PCDH9: variants seen among roughly 807,000 people sequenced by gnomAD.
PCDH9 encodes the protein protocadherin 9, also known as protocadherin-9.
Under a neutral mutation model 70.6 loss-of-function variants are expected in PCDH9, and 24 were observed. That is an observed-to-expected ratio of 0.34 (90% confidence interval 0.25 to 0.48). The LOEUF (loss-of-function observed/expected upper bound fraction) is 0.48. Among genes scored for constraint, PCDH9 ranks in the 20% least tolerant of loss-of-function variants. The probability of loss-of-function intolerance (pLI) is 0.99; values close to 1 mark genes in which losing one functional copy is unlikely to be tolerated. For missense variants in PCDH9, 1,281 were observed against 1,503.6 expected, an observed-to-expected ratio of 0.85 and a Z score of 2.45; for synonymous variants, 562 against 558.5, an observed-to-expected ratio of 1.01 and a Z score of -0.09.
At chr13:67,098,502 G>A (rs982028911) in intron 2 of PCDH9, among the ~76,000 whole-genome samples, 4 of 152,118 alleles carry the variant, frequency 2.6e-5, no homozygotes, top group Admixed American at 6.5e-5. Context: ...GTACAATAAT[G>A]TAGTTTATTG....
At chr13:66,597,218 C>A (rs1308794811) in intron 4 of PCDH9, among the ~76,000 whole-genome samples, 3 of 151,690 alleles carry the variant, frequency 2.0e-5, no homozygotes, top group African/African-American at 7.2e-5. Flanking sequence ...CAGAGCAATC[C>A]ATTTCAAACT....
intron 4 of PCDH9, among the ~76,000 whole-genome samples, chr13:66,316,278 G>T (rs112760174): frequency 2.0e-4 from 30 of 152,272 alleles, no homozygotes; most frequent in Admixed American, 1.6e-3. Flanking sequence ...TTTTTGTCAT[G>T]TATGGTAAAC....
At chr13:66,794,609 T>A (rs2080211605) in intron 3 of PCDH9, among the ~76,000 whole-genome samples, 1 of 151,944 alleles carries the variant, frequency 6.6e-6, no homozygotes, top group Non-Finnish European at 1.5e-5. Flanking sequence ...GCTTTAACAA[T>A]CTCTGTGGAT....
intron 4 of PCDH9, among the ~76,000 whole-genome samples, chr13:66,493,168 TC>T (rs1359085839): frequency 6.6e-6 from 1 of 152,218 alleles, no homozygotes; most frequent in African/African-American, 2.4e-5. Context: ...TACATTTACA[TC>T]TTTTTGCAGA....
At chr13:66,978,710 T>G (rs1022402234) in intron 2 of PCDH9, among the ~76,000 whole-genome samples, 4 of 149,604 alleles carry the variant, frequency 2.7e-5, no homozygotes, top group African/African-American at 9.7e-5. Flanking sequence ...AATTGTATAA[T>G]ATGTTGTTTC....
At chr13:66,842,932 A>G (rs1371045693) in intron 3 of PCDH9, among the ~76,000 whole-genome samples, 3 of 152,220 alleles carry the variant, frequency 2.0e-5, no homozygotes, top group African/African-American at 7.2e-5. Context: ...CCCAGCCTCT[A>G]TGGAAACCAC....
chr13:67,010,838 T>TA (rs1266207840), intron 2 of PCDH9, among the ~76,000 whole-genome samples: 4 of 151,982 alleles, frequency 2.6e-5, no homozygotes, highest in Admixed American at 6.6e-5. Context: ...GTGGGTAAAG[T>TA]AAAATGTTGG....
At chr13:66,914,327 CCTTT>C (rs1433598457) in intron 2 of PCDH9, 7 of 151,894 alleles carry the variant, frequency 4.6e-5, no homozygotes, top group Non-Finnish European at 8.8e-5. Flanking sequence ...TGAATTACTT[CCTTT>C]GTCTCCAAGC....
chr13:66,408,181 C>T (rs1957313778), intron 4 of PCDH9, among the ~76,000 whole-genome samples: 1 of 151,900 alleles, frequency 6.6e-6, no homozygotes, highest in East Asian at 1.9e-4. Context: ...GCCTCAGCCT[C>T]CCGAGTAGCT....
At chr13:66,340,833 T>C (rs569319330) in intron 4 of PCDH9, among the ~76,000 whole-genome samples, 1 of 152,302 alleles carries the variant, frequency 6.6e-6, no homozygotes, top group East Asian at 1.9e-4. Context: ...TTACAAAATC[T>C]GAATTACTAG....
chr13:66,969,348 T>A (rs2083480483), intron 2 of PCDH9, among the ~76,000 whole-genome samples: 1 of 152,024 alleles, frequency 6.6e-6, no homozygotes, highest in Admixed American at 6.6e-5. Context: ...ACACTTTCCA[T>A]TTCAATGTCT....
At chr13:67,193,983 G>T (rs1213075703) in intron 2 of PCDH9, among the ~76,000 whole-genome samples, 1 of 152,024 alleles carries the variant, frequency 6.6e-6, no homozygotes, top group Non-Finnish European at 1.5e-5. Context: ...CTTTCGAATT[G>T]CATACCTATA....
chr13:66,697,633 A>T (rs1373757983), intron 3 of PCDH9, among the ~76,000 whole-genome samples: 2 of 152,136 alleles, frequency 1.3e-5, no homozygotes, highest in African/African-American at 2.4e-5. Context: ...AAGATGTTTA[A>T]CAGCATCCCT....
intron 3 of PCDH9, among the ~76,000 whole-genome samples, chr13:66,786,651 G>A (rs1446231959): frequency 6.6e-6 from 1 of 152,078 alleles, no homozygotes; most frequent in Non-Finnish European, 1.5e-5. Context: ...AGATACCCCT[G>A]ACCTATCTTT....
intron 2 of PCDH9, chr13:67,209,908 C>T (rs771833175): frequency 2.1e-4 from 32 of 152,000 alleles, no homozygotes; most frequent in Non-Finnish European, 2.2e-4. Context: ...ATCACTTTTA[C>T]TTTGAATGAA....
chr13:66,976,634 T>G (rs890176223), intron 2 of PCDH9, among the ~76,000 whole-genome samples: 1 of 151,970 alleles, frequency 6.6e-6, no homozygotes, highest in Non-Finnish European at 1.5e-5. Flanking sequence ...ACAACAGAAG[T>G]CAATACTTAG....
At chr13:66,639,566 GTATACCC>G (rs2077682690) in intron 3 of PCDH9, among the ~76,000 whole-genome samples, 1 of 152,114 alleles carries the variant, frequency 6.6e-6, no homozygotes, top group Non-Finnish European at 1.5e-5. Flanking sequence ...TGAGAGAAAA[GTATACCC>G]TATACTCCTT....
intron 3 of PCDH9, among the ~76,000 whole-genome samples, chr13:66,701,702 A>C (rs1249674924): frequency 6.6e-6 from 1 of 152,088 alleles, no homozygotes; most frequent in East Asian, 1.9e-4. Flanking sequence ...ATTTTTTTTC[A>C]GTAACAAGAT....
intron 3 of PCDH9, among the ~76,000 whole-genome samples, chr13:66,688,213 A>G (rs1196640439): frequency 6.6e-6 from 1 of 152,116 alleles, no homozygotes; most frequent in African/African-American, 2.4e-5. Context: ...GATTTCATCT[A>G]ATCATCTTCT....
Sources: gnomAD v4.1 joint callset for allele counts (sites outside exome capture counted in the v4.1 genomes callset) on GRCh38, gnomAD v4.1.1 for gene constraint, MANE v1.5 for transcripts, NCBI Gene and HGNC (gene_info 2026-07-23, HGNC 2026-07-21) for gene names.